Variants in ABTB3 observed in about 807,000 individuals in gnomAD.
The protein encoded by ABTB3 is ankyrin repeat and BTB domain containing 3.
chr12:107,571,552 C>G, the ABTB3 span, among the ~76,000 whole-genome samples: 1 of 152,278 alleles, frequency 6.6e-6, no homozygotes, highest in Non-Finnish European at 1.5e-5. Context: ...CTAGAGCCAC[C>G]TCTCCCAGGA....
chr12:107,486,073 G>A, the ABTB3 span, among the ~76,000 whole-genome samples: 1 of 152,170 alleles, frequency 6.6e-6, no homozygotes, highest in Non-Finnish European at 1.5e-5. Context: ...AAAACTCATG[G>A]TGAAATTTGG....
the ABTB3 span, among the ~76,000 whole-genome samples, chr12:107,482,976 CTTT>C: frequency 1.4e-3 from 59 of 40,868 alleles, no homozygotes; most frequent in African/African-American, 3.4e-3. Flanking sequence ...TTCTTTCTTT[CTTT>C]CTTTCTTTCC....
chr12:107,320,944 T>G, the ABTB3 span, among the ~76,000 whole-genome samples: 2 of 152,098 alleles, frequency 1.3e-5, no homozygotes, highest in Non-Finnish European at 2.9e-5. Flanking sequence ...CCCACTGTTT[T>G]GAAGGCCTGA....
chr12:107,457,822 C>T, the ABTB3 span, among the ~76,000 whole-genome samples: 20 of 152,174 alleles, frequency 1.3e-4, no homozygotes, highest in African/African-American at 3.9e-4. Flanking sequence ...CAAATGTTCA[C>T]GCTGCAGGAG....
the ABTB3 span, among the ~76,000 whole-genome samples, chr12:107,630,648 C>T: frequency 6.6e-6 from 1 of 152,048 alleles, no homozygotes; most frequent in African/African-American, 2.4e-5. Flanking sequence ...CATGATGTTG[C>T]CTAGGCGGGC....
the ABTB3 span, among the ~76,000 whole-genome samples, chr12:107,346,031 C>T: frequency 6.6e-6 from 1 of 152,204 alleles, no homozygotes; most frequent in South Asian, 2.1e-4. Flanking sequence ...TGGATTTGTC[C>T]AAGGTCTCTT....
At chr12:107,618,918 T>A in the ABTB3 span, among the ~76,000 whole-genome samples, 1 of 152,180 alleles carries the variant, frequency 6.6e-6, no homozygotes. Context: ...GCAAAGCCAC[T>A]CTCAGGAAGG....
the ABTB3 span, among the ~76,000 whole-genome samples, chr12:107,466,850 G>C: frequency 6.6e-6 from 1 of 152,180 alleles, no homozygotes; most frequent in Non-Finnish European, 1.5e-5. Flanking sequence ...CACCGAGGAA[G>C]AAGCATTTGA....
chr12:107,450,636 T>A, the ABTB3 span, among the ~76,000 whole-genome samples: 1 of 152,206 alleles, frequency 6.6e-6, no homozygotes, highest in African/African-American at 2.4e-5. Flanking sequence ...GACAAAAGTC[T>A]GTCCAGGTTT....
At chr12:107,561,936 T>C in the ABTB3 span, among the ~76,000 whole-genome samples, 1 of 152,186 alleles carries the variant, frequency 6.6e-6, no homozygotes, top group Non-Finnish European at 1.5e-5. Flanking sequence ...TCCCTTCAAC[T>C]GTGGCTGATT....
the ABTB3 span, among the ~76,000 whole-genome samples, chr12:107,382,044 T>G: frequency 6.6e-6 from 1 of 152,124 alleles, no homozygotes; most frequent in Non-Finnish European, 1.5e-5. Flanking sequence ...CCATGGAGCT[T>G]GCATTCTAAT....
the ABTB3 span, among the ~76,000 whole-genome samples, chr12:107,439,279 G>C: frequency 6.6e-6 from 1 of 152,128 alleles, no homozygotes. Context: ...GACTGGACCT[G>C]GGTCTGAACT....
chr12:107,650,300 G>A, the ABTB3 span: 1 of 152,086 alleles, frequency 6.6e-6, no homozygotes, highest in African/African-American at 2.4e-5. Context: ...ATATGCTAAG[G>A]TGCTTAGAAC....
At chr12:107,506,671 GTTTGTACA>G in the ABTB3 span, among the ~76,000 whole-genome samples, 1 of 152,206 alleles carries the variant, frequency 6.6e-6, no homozygotes. Flanking sequence ...ACACAGTTGT[GTTTGTACA>G]TTTCTTTGTG....
chr12:107,503,579 G>A, the ABTB3 span, among the ~76,000 whole-genome samples: 1 of 151,774 alleles, frequency 6.6e-6, no homozygotes, highest in Non-Finnish European at 1.5e-5. Context: ...ACAACATGAT[G>A]AGACCCCGTC....
At chr12:107,459,837 G>A in the ABTB3 span, among the ~76,000 whole-genome samples, 11 of 152,244 alleles carry the variant, frequency 7.2e-5, no homozygotes, top group East Asian at 7.7e-4. Flanking sequence ...GGCAGGGGCC[G>A]TGGCCCGGCC....
chr12:107,320,859 GC>G, the ABTB3 span, among the ~76,000 whole-genome samples: 1 of 151,980 alleles, frequency 6.6e-6, no homozygotes, highest in Non-Finnish European at 1.5e-5. Context: ...GATGGAGCTG[GC>G]GGGGGGCAGT....
At chr12:107,482,917 T>C in the ABTB3 span, among the ~76,000 whole-genome samples, 156 of 43,604 alleles carry the variant, frequency 3.6e-3, no homozygotes, top group South Asian at 0.034. Flanking sequence ...TTTCTTCTTC[T>C]TTCTTTCTTT....
the ABTB3 span, among the ~76,000 whole-genome samples, chr12:107,488,580 C>A: frequency 2.0e-4 from 30 of 151,972 alleles, no homozygotes; most frequent in African/African-American, 6.0e-4. Flanking sequence ...ACACTTTGAA[C>A]TTTTGTCTGA....
Sources: allele counts gnomAD v4.1 joint callset (sites outside exome capture counted in the v4.1 genomes callset), GRCh38; gene constraint gnomAD v4.1.1; transcripts MANE v1.5; gene names NCBI Gene and HGNC (gene_info 2026-07-23, HGNC 2026-07-21).